NRXN3: variants seen among roughly 807,000 people sequenced by gnomAD.
NRXN3 encodes neurexin III.
A neutral mutation model predicts 137.6 loss-of-function variants in NRXN3; 32 were observed. That is an observed-to-expected ratio of 0.23 (90% CI 0.18 to 0.31). The LOEUF is 0.31. Among genes scored for constraint, NRXN3 ranks in the 10% least tolerant of loss-of-function variants. The pLI is 1.00. For missense variants in NRXN3, 1,574 were observed against 2,062.5 expected (o/e 0.76, Z 4.59); for synonymous variants, 798 against 784.5 (o/e 1.02, Z -0.29).
intron 19 of NRXN3, among the ~76,000 whole-genome samples, chr14:79,789,555 T>C (rs2099139097): frequency 6.6e-6 from 1 of 152,134 alleles, no homozygotes. Flanking sequence ...TTCTTGATGA[T>C]ATGCTAAACA....
intron 6 of NRXN3, among the ~76,000 whole-genome samples, chr14:78,684,496 G>C (rs1003924545): frequency 6.6e-6 from 1 of 151,770 alleles, no homozygotes; most frequent in Non-Finnish European, 1.5e-5. Context: ...TGAGGAAAAG[G>C]GTTATGTGGT....
intron 4 of NRXN3, among the ~76,000 whole-genome samples, chr14:78,500,550 A>G (rs2095860376): frequency 1.3e-5 from 2 of 152,146 alleles, no homozygotes; most frequent in South Asian, 4.1e-4. Flanking sequence ...AGTAAATCTG[A>G]ATATTTAGAC....
chr14:78,648,982 C>G (rs554014743), intron 5 of NRXN3, among the ~76,000 whole-genome samples: 1 of 152,116 alleles, frequency 6.6e-6, no homozygotes, highest in African/African-American at 2.4e-5. Flanking sequence ...TTGGAAGAAG[C>G]AGGGAGCTGC....
At chr14:78,322,648 C>T (rs41432549) in intron 4 of NRXN3, among the ~76,000 whole-genome samples, 23,625 of 151,820 alleles carry the variant, frequency 0.16, 2,023 homozygotes, top group Middle Eastern at 0.21. Context: ...GCCTGGCATT[C>T]GGTACTTCAC....
intron 10 of NRXN3, among the ~76,000 whole-genome samples, chr14:78,901,107 T>C (rs1252799526): frequency 6.6e-6 from 1 of 152,036 alleles, no homozygotes; most frequent in African/African-American, 2.4e-5. Context: ...TTTTTTTCTA[T>C]CTGCTTCTGC....
chr14:79,463,726 A>G (rs992038965), intron 15 of NRXN3, among the ~76,000 whole-genome samples: 2 of 152,142 alleles, frequency 1.3e-5, no homozygotes, highest in African/African-American at 4.8e-5. Context: ...ATGATTCTGA[A>G]TATAAACATA....
At chr14:78,712,429 A>C (rs1256118823) in intron 7 of NRXN3, among the ~76,000 whole-genome samples, 1 of 152,218 alleles carries the variant, frequency 6.6e-6, no homozygotes, top group Non-Finnish European at 1.5e-5. Flanking sequence ...CAAAAGGCAA[A>C]GCATATTTCT....
At chr14:79,437,407 G>C (rs1443440035) in intron 15 of NRXN3, among the ~76,000 whole-genome samples, 1 of 149,776 alleles carries the variant, frequency 6.7e-6, no homozygotes, top group African/African-American at 2.5e-5. Context: ...ATCCTGAAAT[G>C]TGCGTTCTAA....
intron 6 of NRXN3, among the ~76,000 whole-genome samples, chr14:78,678,442 C>A (rs116959965): frequency 4.0e-5 from 6 of 151,872 alleles, no homozygotes; most frequent in African/African-American, 7.3e-5. Flanking sequence ...TCCCACCACA[C>A]CCAGCTACTC....
rs551208248 is a variant in NRXN3, at chr14:78,618,411, C to T, written c.758-26709C>T. ...TTTGCCACTTGACACATATTTACCC[C>T]GCAAACCTACACTGGCAATGCTAAG... On this transcript the variant is annotated intron_variant, in intron 4 of 20. Transcript: ENST00000335750. Among the ~76,000 whole-genome samples, 57 of 152,280 alleles carry T rather than the reference C, an allele frequency of 3.7e-4. 1 individual carries two copies. Among genetic ancestry groups the T allele is most frequent in the Admixed American group, 2.0e-3 (30 of 15,300 alleles).
chr14:78,295,421 A>G (rs1047188202), intron 3 of NRXN3, among the ~76,000 whole-genome samples: 1 of 152,212 alleles, frequency 6.6e-6, no homozygotes, highest in African/African-American at 2.4e-5. Context: ...ATAAAACCTG[A>G]TAAGTACATA....
intron 8 of NRXN3, among the ~76,000 whole-genome samples, chr14:78,781,687 A>G (rs769427528): frequency 3.1e-4 from 47 of 152,256 alleles, no homozygotes; most frequent in Non-Finnish European, 5.7e-4. Context: ...AACTGTAGAC[A>G]TACAAAACCA....
intron 4 of NRXN3, among the ~76,000 whole-genome samples, chr14:78,500,707 A>G (rs918147370): frequency 6.6e-6 from 1 of 152,174 alleles, no homozygotes; most frequent in African/African-American, 2.4e-5. Flanking sequence ...ATGGCGGTAG[A>G]GGTGTCAGGA....
intron 16 of NRXN3, among the ~76,000 whole-genome samples, chr14:79,509,561 G>A (rs574671516): frequency 6.7e-6 from 1 of 148,544 alleles, no homozygotes; most frequent in East Asian, 2.0e-4. Flanking sequence ...GTGTGTGCAT[G>A]TATGTATATA....
intron 6 of NRXN3, among the ~76,000 whole-genome samples, chr14:78,684,545 C>A (rs2098108639): frequency 6.6e-6 from 1 of 152,130 alleles, no homozygotes; most frequent in African/African-American, 2.4e-5. Flanking sequence ...TGGCTCACAC[C>A]TGTAATCCCA....
intron 15 of NRXN3, among the ~76,000 whole-genome samples, chr14:79,206,256 G>A (rs565010511): frequency 2.2e-4 from 33 of 152,240 alleles, no homozygotes; most frequent in Non-Finnish European, 5.9e-5. Flanking sequence ...CATTCTTAAA[G>A]GATTTGCACG....
intron 2 of NRXN3, among the ~76,000 whole-genome samples, chr14:78,252,645 A>G (rs1264026828): frequency 6.6e-6 from 1 of 152,156 alleles, no homozygotes; most frequent in Non-Finnish European, 1.5e-5. Context: ...CGGAGTCCCA[A>G]CAGTCCTGTG....
Position 78,767,499 on chromosome 14 carries a change from T to C in NRXN3, c.2045-36121T>C, listed in dbSNP as rs79396009. On this transcript the variant is annotated intron_variant, in intron 8 of 20. Coordinates refer to ENST00000335750, the MANE Select transcript of NRXN3 (RefSeq NM_001330195.2). ...AAGAGGACCGTGTCACCCTAGGGTC[T>C]ATCTACCACACTGTCAACGTGCAAT... is the stretch of plus-strand genomic sequence containing the variant. 3.6e-3 allele frequency among the ~76,000 whole-genome samples: 549 copies of C among 152,322 alleles called. 17 individuals are homozygous for C. The East Asian group carries it at 0.061, about 17-fold the overall frequency.
intron 15 of NRXN3, among the ~76,000 whole-genome samples, chr14:79,315,172 A>G (rs542437099): frequency 1.3e-5 from 2 of 152,324 alleles, no homozygotes; most frequent in East Asian, 1.9e-4. Context: ...GAGAATAGCC[A>G]TTATTATTGT....
Sources: gnomAD v4.1 joint callset for allele counts (sites outside exome capture counted in the v4.1 genomes callset) on GRCh38, gnomAD v4.1.1 for gene constraint, MANE v1.5 for transcripts, NCBI Gene and HGNC (gene_info 2026-07-23, HGNC 2026-07-21) for gene names.